Variants in MAGI2 observed in about 807,000 individuals in gnomAD.
MAGI2 encodes the protein membrane-associated guanylate kinase, WW and PDZ domain-containing protein 2.
A neutral mutation model predicts 133.3 loss-of-function variants in MAGI2; 35 were observed. The ratio of observed to expected loss-of-function variants is 0.26; its 90% CI spans 0.20 to 0.35. The LOEUF (loss-of-function observed/expected upper bound fraction) is 0.35, where lower values mean the gene tolerates loss of function less well. Ranked by LOEUF, MAGI2 falls within the 10% of genes least tolerant of loss-of-function variation. MAGI2 has a pLI of 1.00. For synonymous variants in MAGI2, 729 were observed against 710.6 expected (o/e 1.03, Z -0.41); for missense variants, 1,636 against 1,863.4 (o/e 0.88, Z 2.25).
intron 10 of MAGI2, among the ~76,000 whole-genome samples, chr7:78,201,883 G>A (rs1472246431): frequency 2.0e-5 from 3 of 152,004 alleles, no homozygotes; most frequent in African/African-American, 7.2e-5. Context: ...ATAATGATTC[G>A]AGTAACCCTG....
At chr7:78,729,964 C>A (rs1821208261) in intron 2 of MAGI2, among the ~76,000 whole-genome samples, 1 of 151,966 alleles carries the variant, frequency 6.6e-6, no homozygotes, top group African/African-American at 2.4e-5. Flanking sequence ...AGATTTAGGC[C>A]CACTAAAGTA....
intron 21 of MAGI2, among the ~76,000 whole-genome samples, chr7:78,050,094 C>G (rs1407538500): frequency 6.6e-6 from 1 of 152,182 alleles, no homozygotes; most frequent in Non-Finnish European, 1.5e-5. Context: ...TCGTTCACAA[C>G]AGAGAAAATT....
intron 1 of MAGI2, among the ~76,000 whole-genome samples, chr7:79,187,181 T>C (rs1052063739): frequency 6.6e-6 from 1 of 151,752 alleles, no homozygotes; most frequent in Non-Finnish European, 1.5e-5. Context: ...TAAAACATTA[T>C]GATGACTTTA....
At chr7:78,243,263 ACACACACTCTCT>A (rs758452505) in intron 10 of MAGI2, among the ~76,000 whole-genome samples, 5,424 of 62,154 alleles carry the variant, frequency 0.087, 111 homozygotes, top group Non-Finnish European at 0.14. Flanking sequence ...ACACACACAC[ACACACACTCTCT>A]CTCTCTCTCT....
intron 1 of MAGI2, among the ~76,000 whole-genome samples, chr7:79,430,306 T>G (rs192158512): frequency 6.6e-6 from 1 of 152,216 alleles, no homozygotes; most frequent in East Asian, 1.9e-4. Flanking sequence ...GGGGAAAAAA[T>G]GACAAAAGAG....
intron 1 of MAGI2, among the ~76,000 whole-genome samples, chr7:79,218,193 T>C (rs968276017): frequency 1.8e-4 from 28 of 151,998 alleles, no homozygotes; most frequent in African/African-American, 6.1e-4. Flanking sequence ...CCTCTGGGAC[T>C]GCATGAATAC....
intron 10 of MAGI2, among the ~76,000 whole-genome samples, chr7:78,244,208 A>G (rs1791511409): frequency 6.7e-6 from 1 of 149,220 alleles, no homozygotes; most frequent in Non-Finnish European, 1.5e-5. Flanking sequence ...AAGAAATGGG[A>G]GTAATAGAAC....
chr7:79,386,909 G>A (rs1198111183), intron 1 of MAGI2, among the ~76,000 whole-genome samples: 1 of 152,016 alleles, frequency 6.6e-6, no homozygotes, highest in Non-Finnish European at 1.5e-5. Flanking sequence ...CCATTCTGAA[G>A]CAGAGAGTAA....
At chr7:78,949,334 A>G (rs1173110213) in intron 2 of MAGI2, among the ~76,000 whole-genome samples, 1 of 152,162 alleles carries the variant, frequency 6.6e-6, no homozygotes, top group African/African-American at 2.4e-5. Context: ...AAACCAAAAC[A>G]CTGGCAATGA....
At chr7:78,406,238 G>A (rs188597727) in intron 6 of MAGI2, among the ~76,000 whole-genome samples, 52 of 152,022 alleles carry the variant, frequency 3.4e-4, no homozygotes, top group Non-Finnish European at 5.9e-4. Context: ...CCTGTCCTCC[G>A]TCTTTTCCAT....
chr7:78,873,932 T>C (rs750077827), intron 2 of MAGI2, among the ~76,000 whole-genome samples: 25 of 152,132 alleles, frequency 1.6e-4, no homozygotes, highest in Non-Finnish European at 2.9e-4. Flanking sequence ...AAGTCATTAA[T>C]TATTTCCAGA....
At chr7:78,496,871 A>T (rs1002877660) in intron 5 of MAGI2, among the ~76,000 whole-genome samples, 2 of 152,172 alleles carry the variant, frequency 1.3e-5, no homozygotes, top group Admixed American at 1.3e-4. Flanking sequence ...AGGGTTTAGA[A>T]TGATTCCCAG....
At chr7:79,304,203 C>CTGTG (rs1184824177) in intron 1 of MAGI2, among the ~76,000 whole-genome samples, 14,682 of 135,280 alleles carry the variant, frequency 0.11, 1,226 homozygotes, top group East Asian at 0.32. Context: ...GTGTGTGTGT[C>CTGTG]TGTGTGTGTG....
chr7:78,997,589 G>C (rs150036911), intron 2 of MAGI2, among the ~76,000 whole-genome samples: 2 of 148,290 alleles, frequency 1.3e-5, no homozygotes, highest in Non-Finnish European at 3.0e-5. Flanking sequence ...GTGACAGAGC[G>C]AGACTCCATC....
rs1404969786 is a variant in MAGI2, at chr7:78,803,675, G to A, written c.419-176436C>T. Among the ~76,000 whole-genome samples, 3 of 152,112 alleles carry A rather than the reference G, an allele frequency of 2.0e-5. 1 individual carries two copies. The highest frequency in any genetic ancestry group is 2.1e-4 in the South Asian group (1 of 4,832). On this transcript the variant is annotated intron_variant, in intron 2 of 21. Transcript: ENST00000354212. ...AGGGGGAAAAAGGAAATGCTGACGC[G>A]TGTGTTGAATAATATTTATGGCTTA...
chr7:78,432,442 C>A (rs1324472223), intron 6 of MAGI2, among the ~76,000 whole-genome samples: 2 of 151,942 alleles, frequency 1.3e-5, no homozygotes, highest in African/African-American at 4.8e-5. Flanking sequence ...TCAGTGAAAC[C>A]CAGGTTTTGT....
At chr7:78,719,450 A>G (rs908288324) in intron 2 of MAGI2, among the ~76,000 whole-genome samples, 4 of 152,234 alleles carry the variant, frequency 2.6e-5, no homozygotes, top group African/African-American at 9.6e-5. Flanking sequence ...TATGTTCTCC[A>G]AAAGTTTACA....
intron 20 of MAGI2, among the ~76,000 whole-genome samples, chr7:78,089,032 T>G (rs1253684074): frequency 6.6e-6 from 1 of 152,074 alleles, no homozygotes; most frequent in Non-Finnish European, 1.5e-5. Context: ...GCCAAGGAGT[T>G]TCTAGAAGCT....
chr7:78,814,639 C>T (rs947884497), intron 2 of MAGI2, among the ~76,000 whole-genome samples: 8 of 152,022 alleles, frequency 5.3e-5, no homozygotes, highest in Non-Finnish European at 8.8e-5. Context: ...TGCACAAACC[C>T]TGGTGAAACT....
Sources: allele counts gnomAD v4.1 joint callset (sites outside exome capture counted in the v4.1 genomes callset), GRCh38; gene constraint gnomAD v4.1.1; transcripts MANE v1.5; gene names NCBI Gene and HGNC (gene_info 2026-07-23, HGNC 2026-07-21).